Variants in PPP1R16B observed in about 807,000 individuals in gnomAD.
PPP1R16B encodes protein phosphatase 1 regulatory subunit 16B.
In PPP1R16B, 14 loss-of-function variants were observed where a neutral mutation model predicts 61.7. That is an observed-to-expected ratio of 0.23 (90% CI 0.15 to 0.35). The LOEUF (loss-of-function observed/expected upper bound fraction) is 0.35, where lower values mean the gene tolerates loss of function less well. Among genes scored for constraint, PPP1R16B ranks in the 10% least tolerant of loss-of-function variants. The pLI, the probability that PPP1R16B is intolerant of heterozygous loss-of-function variation, is 1.00. For synonymous variants in PPP1R16B, 266 were observed against 305.3 expected, an observed-to-expected ratio of 0.87 and a Z score of 1.34; for missense variants, 547 against 752.5, an observed-to-expected ratio of 0.73 and a Z score of 3.19.
chr20:38,835,952 G>A lies in PPP1R16B; in HGVS notation c.27G>A (p.Thr9=). Residue 9 remains threonine (T), a synonymous_variant, in exon 2 of 11, where the codon ACG becomes ACA. Transcript: ENST00000299824. MASHVDLL[T]ELQLLEKVPT... The stretch of plus-strand genomic sequence containing the variant: ...TGGCCAGTCACGTGGACCTGCTGAC[G>A]GAGCTGCAGCTGCTGGAGAAGGTGC... 1.3e-6 allele frequency: 2 copies of A among 1,544,916 alleles called. No homozygotes were observed. The highest frequency in any genetic ancestry group is 1.2e-5 in the South Asian group (1 of 83,970).
intron 4 of PPP1R16B, among the ~76,000 whole-genome samples, chr20:38,896,184 TCCC>T (rs1319401326): frequency 0.14 from 14,954 of 105,992 alleles, 1,426 homozygotes; most frequent in East Asian, 0.29. Context: ...CTTTCTTCCC[TCCC>T]TTCCTTCTTT....
At chr20:38,841,120 A>G (rs2084906331) in intron 2 of PPP1R16B, among the ~76,000 whole-genome samples, 1 of 152,120 alleles carries the variant, frequency 6.6e-6, no homozygotes, top group Non-Finnish European at 1.5e-5. Flanking sequence ...TTTTTAAAAA[A>G]TAGCTTGGGG....
intron 2 of PPP1R16B, among the ~76,000 whole-genome samples, chr20:38,880,754 G>A (rs940317932): frequency 1.3e-5 from 2 of 152,170 alleles, no homozygotes; most frequent in South Asian, 2.1e-4. Flanking sequence ...TAGAGATATC[G>A]CGACTAATGC....
chr20:38,832,779 A>G (rs1224567743), intron 1 of PPP1R16B, among the ~76,000 whole-genome samples: 1 of 152,054 alleles, frequency 6.6e-6, no homozygotes. Flanking sequence ...TTAGCCGGGC[A>G]TGATGGTGGG....
At chr20:38,909,716 A>G (rs1266840625) in intron 10 of PPP1R16B, among the ~76,000 whole-genome samples, 1 of 152,216 alleles carries the variant, frequency 6.6e-6, no homozygotes, top group Non-Finnish European at 1.5e-5. Flanking sequence ...CAGCACGAAC[A>G]GTGGGGTCAC....
In PPP1R16B at chr20:38,903,980, G is replaced by A. The variant is rs6028195; in HGVS notation, c.696+1188G>A. 7.9e-3 allele frequency among the ~76,000 whole-genome samples: 1,205 copies of A among 152,232 alleles called. 15 individuals carry two copies. Among genetic ancestry groups the A allele is most frequent in the African/African-American group, 0.028 (1,153 of 41,522 alleles). On this transcript the variant is annotated intron_variant, in intron 6 of 10. Transcript: ENST00000299824. ...AAGCACTCAGCAGTCTCGGGATCTC[G>A]AGCTCACTAGATAGGGCTCAGCAGT...
intron 1 of PPP1R16B, among the ~76,000 whole-genome samples, chr20:38,811,733 C>T (rs190780401): frequency 3.3e-5 from 5 of 152,202 alleles, no homozygotes; most frequent in East Asian, 1.9e-4. Context: ...TACAACTTTT[C>T]GGGGGATAGT....
intron 1 of PPP1R16B, among the ~76,000 whole-genome samples, chr20:38,810,886 T>C (rs1296536212): frequency 1.3e-5 from 2 of 152,198 alleles, no homozygotes; most frequent in Non-Finnish European, 2.9e-5. Flanking sequence ...CCATGTGCTA[T>C]CCTTCACCAC....
intron 10 of PPP1R16B, among the ~76,000 whole-genome samples, chr20:38,916,682 T>C (rs2085543938): frequency 6.6e-6 from 1 of 151,876 alleles, no homozygotes. Context: ...TATTTTTTAC[T>C]GAAGAGCTGG....
intron 1 of PPP1R16B, among the ~76,000 whole-genome samples, chr20:38,821,040 CAAA>C (rs11483114): frequency 2.5e-5 from 3 of 121,592 alleles, no homozygotes; most frequent in Non-Finnish European, 5.1e-5. Context: ...GACTCCGTCT[CAAA>C]AAAAAAAAAA....
intron 1 of PPP1R16B, among the ~76,000 whole-genome samples, chr20:38,824,968 T>G (rs549459594): frequency 2.9e-4 from 44 of 152,380 alleles, no homozygotes; most frequent in African/African-American, 9.9e-4. Context: ...CACTCCAGCC[T>G]GGGCAACAGA....
At position 38,889,581 on chromosome 20, in the gene PPP1R16B, C is replaced by A; in HGVS notation, c.251-14C>A. 1 of 1,562,214 alleles carries A rather than the reference C, an allele frequency of 6.4e-7. No individual in the cohort carries two copies. Among genetic ancestry groups the A allele is most frequent in the Non-Finnish European group, 8.8e-7 (1 of 1,132,708 alleles). On this transcript the variant is annotated splice_polypyrimidine_tract_variant and intron_variant, in intron 2 of 10. Transcript: ENST00000299824. ...GTGCAACGGGAAGCTCACTCCTGTACCCTCCTATTGCAGTACGCTACTTCC... is the reference window on the plus strand; with the variant it reads ...GTGCAACGGGAAGCTCACTCCTGTAACCTCCTATTGCAGTACGCTACTTCC...
chr20:38,870,384 C>G (rs1187299256), intron 2 of PPP1R16B, among the ~76,000 whole-genome samples: 1 of 152,130 alleles, frequency 6.6e-6, no homozygotes, highest in Non-Finnish European at 1.5e-5. Flanking sequence ...AAAAGTCTGA[C>G]TAAATGCTGT....
At chr20:38,826,721 T>C (rs1269534075) in intron 1 of PPP1R16B, among the ~76,000 whole-genome samples, 1 of 152,184 alleles carries the variant, frequency 6.6e-6, no homozygotes, top group African/African-American at 2.4e-5. Context: ...CCCAATACGA[T>C]GCCAGCCCCT....
At chr20:38,812,802 G>A (rs900535582) in intron 1 of PPP1R16B, among the ~76,000 whole-genome samples, 2 of 152,204 alleles carry the variant, frequency 1.3e-5, no homozygotes, top group African/African-American at 4.8e-5. Flanking sequence ...TGGCCCCAAA[G>A]GGTGTTTGAA....
chr20:38,821,402 G>A (rs2084772884), intron 1 of PPP1R16B, among the ~76,000 whole-genome samples: 1 of 152,212 alleles, frequency 6.6e-6, no homozygotes, highest in African/African-American at 2.4e-5. Flanking sequence ...GAAGCACTAT[G>A]AAGCTCTGGA....
chr20:38,848,087 T>C (rs2084946380), intron 2 of PPP1R16B, among the ~76,000 whole-genome samples: 1 of 152,230 alleles, frequency 6.6e-6, no homozygotes, highest in African/African-American at 2.4e-5. Context: ...GCTTTCACAT[T>C]ACAATGGCAG....
intron 1 of PPP1R16B, among the ~76,000 whole-genome samples, chr20:38,810,001 A>AAAAAAAC (rs1259492001): frequency 7.3e-5 from 11 of 151,410 alleles, no homozygotes; most frequent in Non-Finnish European, 1.6e-4. Context: ...AAAAAAAAAA[A>AAAAAAAC]AAAAACAAAA....
intron 6 of PPP1R16B, among the ~76,000 whole-genome samples, chr20:38,903,565 CCGTCCGTCCGT>C (rs2085414215): frequency 1.8e-5 from 1 of 55,470 alleles, no homozygotes; most frequent in East Asian, 2.8e-3. Flanking sequence ...ATCCATCCAT[CCGTCCGTCCGT>C]CCGTCCATCC....
Sources: allele counts gnomAD v4.1 joint callset (sites outside exome capture counted in the v4.1 genomes callset), GRCh38; gene constraint gnomAD v4.1.1; transcripts MANE v1.5; gene names NCBI Gene and HGNC (gene_info 2026-07-23, HGNC 2026-07-21).